Variants in CTNNA3 observed in about 807,000 individuals in gnomAD.
CTNNA3 encodes the protein catenin alpha 3.
Under a neutral mutation model 95.7 loss-of-function variants are expected in CTNNA3, and 76 were observed. The ratio of observed to expected loss-of-function variants is 0.79; its 90% CI spans 0.66 to 0.96. The LOEUF is 0.96. Among genes scored for constraint, CTNNA3 ranks in the 40% least tolerant of loss-of-function variants. The pLI is 0.00. For synonymous variants in CTNNA3, 431 were observed against 374.4 expected (o/e 1.15, Z -1.74); for missense variants, 1,191 against 1,089.8 (o/e 1.09, Z -1.31).
intron 13 of CTNNA3, among the ~76,000 whole-genome samples, chr10:66,128,849 A>G (rs777464362): frequency 6.6e-5 from 10 of 152,162 alleles, no homozygotes; most frequent in Non-Finnish European, 1.5e-4. Flanking sequence ...GAGGATGTTG[A>G]TAACGGGAAA....
chr10:67,692,736 T>TTAAA (rs779353642), intron 1 of CTNNA3, among the ~76,000 whole-genome samples: 1 of 80,836 alleles, frequency 1.2e-5, no homozygotes, highest in East Asian at 2.5e-4. Flanking sequence ...GAATGATCAA[T>TTAAA]AAAAAAAAAA....
chr10:67,729,639 A>C (rs1344042116), intron 1 of CTNNA3, among the ~76,000 whole-genome samples: 2 of 152,148 alleles, frequency 1.3e-5, no homozygotes, highest in African/African-American at 4.8e-5. Context: ...AGAATATAAT[A>C]AATTGGTTAT....
chr10:67,463,362 C>A (rs1847457698), intron 5 of CTNNA3, among the ~76,000 whole-genome samples: 1 of 152,066 alleles, frequency 6.6e-6, no homozygotes, highest in Non-Finnish European at 1.5e-5. Flanking sequence ...CAAAAGAAAC[C>A]AAAATTTACC....
chr10:66,519,520 T>C (rs1042391732), intron 11 of CTNNA3, among the ~76,000 whole-genome samples: 9 of 152,322 alleles, frequency 5.9e-5, no homozygotes, highest in Admixed American at 1.3e-4. Flanking sequence ...CCTCCCATTC[T>C]ATTCAAAGTC....
rs77654851 is a variant in CTNNA3 at position 66,970,741 on chromosome 10, C to A, written c.1048-195217G>T. Among the ~76,000 whole-genome samples, 3,852 of 152,076 alleles carry A rather than the reference C, an allele frequency of 0.025. 401 individuals carry two copies. The East Asian group carries it at 0.36, about 14-fold the overall frequency. ...CCAAAAATCTTTCCTTATCTCCAGG[C>A]AGAACTATTTCAAAAGATAACAAAT... is the stretch of plus-strand genomic sequence containing the variant. On this transcript the variant is annotated intron_variant, in intron 7 of 17. Coordinates refer to ENST00000433211, the MANE Select transcript of CTNNA3 (RefSeq NM_013266.4).
In CTNNA3 at chr10:67,603,684, G is replaced by T. The variant is rs186012754; in HGVS notation, c.292+3173C>A. On this transcript the variant is annotated intron_variant, in intron 3 of 17. Coordinates refer to ENST00000433211, the MANE Select transcript of CTNNA3 (RefSeq NM_013266.4). ...ATAAAAAAGAAAATATTGTGCAGCT[G>T]TACAATGTGTTTTAATCTAAGTATT... 5.7e-4 allele frequency among the ~76,000 whole-genome samples: 86 copies of T among 152,092 alleles called. 1 individual carries two copies. The highest frequency in any genetic ancestry group is 2.9e-5 in the Non-Finnish European group (2 of 67,984).
chr10:67,485,446 G>T (rs1848407790), intron 5 of CTNNA3, among the ~76,000 whole-genome samples: 1 of 152,096 alleles, frequency 6.6e-6, no homozygotes, highest in South Asian at 2.1e-4. Flanking sequence ...TTAGCAGCTT[G>T]CAATATAACC....
intron 5 of CTNNA3, among the ~76,000 whole-genome samples, chr10:67,383,305 A>C (rs1485298485): frequency 6.6e-6 from 1 of 152,124 alleles, no homozygotes; most frequent in African/African-American, 2.4e-5. Flanking sequence ...CATGGTACCT[A>C]CCCCGTGGCA....
At chr10:66,502,640 A>G (rs1041095253) in intron 11 of CTNNA3, among the ~76,000 whole-genome samples, 9 of 152,078 alleles carry the variant, frequency 5.9e-5, no homozygotes, top group African/African-American at 1.9e-4. Context: ...ATTACTTTGA[A>G]AATTTCTCTT....
intron 13 of CTNNA3, among the ~76,000 whole-genome samples, chr10:66,170,039 T>C (rs931296670): frequency 6.6e-6 from 1 of 152,140 alleles, no homozygotes; most frequent in Non-Finnish European, 1.5e-5. Context: ...ATCCCACTTA[T>C]TTATCTTCGT....
intron 5 of CTNNA3, among the ~76,000 whole-genome samples, chr10:67,265,246 T>A (rs1438861666): frequency 3.3e-5 from 5 of 152,204 alleles, no homozygotes; most frequent in African/African-American, 1.2e-4. Context: ...CCAGCCATGA[T>A]CAGTTGAAGG....
chr10:67,207,276 T>C (rs1221582208), intron 6 of CTNNA3, among the ~76,000 whole-genome samples: 2 of 152,188 alleles, frequency 1.3e-5, no homozygotes, highest in Non-Finnish European at 2.9e-5. Context: ...ATAACTCTCA[T>C]AATTCAGACA....
At chr10:66,409,639 GAGACCA>G (rs1304306318) in intron 11 of CTNNA3, among the ~76,000 whole-genome samples, 2 of 152,122 alleles carry the variant, frequency 1.3e-5, no homozygotes, top group African/African-American at 2.4e-5. Flanking sequence ...TGATGGCAGT[GAGACCA>G]TAACTATACA....
At chr10:66,721,105 G>C (rs1461163919) in intron 9 of CTNNA3, among the ~76,000 whole-genome samples, 1 of 152,186 alleles carries the variant, frequency 6.6e-6, no homozygotes, top group Non-Finnish European at 1.5e-5. Flanking sequence ...AGAAGCACTG[G>C]GTTAGAGGGC....
intron 7 of CTNNA3, among the ~76,000 whole-genome samples, chr10:67,034,061 C>G (rs1052766552): frequency 6.6e-6 from 1 of 152,132 alleles, no homozygotes; most frequent in Non-Finnish European, 1.5e-5. Flanking sequence ...CGTGAGCCAC[C>G]GCGCCCGGCC....
At chr10:67,100,424 G>A (rs1427055701) in intron 7 of CTNNA3, among the ~76,000 whole-genome samples, 1 of 151,674 alleles carries the variant, frequency 6.6e-6, no homozygotes, top group Admixed American at 6.6e-5. Context: ...CCATGTCCAG[G>A]TTAAGGGTGA....
At chr10:67,178,307 C>G (rs1275755993) in intron 7 of CTNNA3, among the ~76,000 whole-genome samples, 1 of 152,066 alleles carries the variant, frequency 6.6e-6, no homozygotes, top group East Asian at 1.9e-4. Context: ...AATAACCTTT[C>G]ATAGGTCATA....
intron 5 of CTNNA3, among the ~76,000 whole-genome samples, chr10:67,383,435 T>C (rs1844024330): frequency 6.6e-6 from 1 of 152,194 alleles, no homozygotes; most frequent in Non-Finnish European, 1.5e-5. Context: ...AAGATTAGAA[T>C]ATACCAGTAA....
chr10:67,444,926 G>A (rs1846682068), intron 5 of CTNNA3, among the ~76,000 whole-genome samples: 1 of 151,868 alleles, frequency 6.6e-6, no homozygotes, highest in Non-Finnish European at 1.5e-5. Flanking sequence ...GCAAACAAAG[G>A]CTCAGGACCT....
Sources: allele counts gnomAD v4.1 joint callset (sites outside exome capture counted in the v4.1 genomes callset), GRCh38; gene constraint gnomAD v4.1.1; transcripts MANE v1.5; gene names NCBI Gene and HGNC (gene_info 2026-07-23, HGNC 2026-07-21).